The following RBM20 variants were observed in gnomAD, a reference collection of about 807,000 sequenced individuals.
RBM20 encodes the protein RNA-binding protein 20.
A neutral mutation model predicts 110.1 loss-of-function variants in RBM20; 51 were observed. The ratio of observed to expected loss-of-function variants is 0.46; its 90% confidence interval spans 0.37 to 0.59. The LOEUF (loss-of-function observed/expected upper bound fraction) is 0.59. RBM20 is among the 20% of genes least tolerant of loss of function. RBM20 has a pLI of 0.00. For synonymous variants in RBM20, 589 were observed against 618.2 expected, an observed-to-expected ratio of 0.95 and a Z score of 0.70; for missense variants, 1,512 against 1,574.9, an observed-to-expected ratio of 0.96 and a Z score of 0.68.
At chr10:110,665,536 G>T (rs901422403) in intron 1 of RBM20, among the ~76,000 whole-genome samples, 1 of 152,086 alleles carries the variant, frequency 6.6e-6, no homozygotes, top group Non-Finnish European at 1.5e-5. Context: ...AGCAGGAGGG[G>T]TTATCTGTAG....
chr10:110,699,993 G>C (rs914327097), intron 1 of RBM20, among the ~76,000 whole-genome samples: 1 of 152,210 alleles, frequency 6.6e-6, no homozygotes, highest in Non-Finnish European at 1.5e-5. Flanking sequence ...CGGGTGGACA[G>C]AGCAGGATGG....
chr10:110,777,100 A>G (rs1322538746), intron 1 of RBM20, among the ~76,000 whole-genome samples: 1 of 152,192 alleles, frequency 6.6e-6, no homozygotes, highest in Non-Finnish European at 1.5e-5. Context: ...CACGGCAATT[A>G]CTTTGTGCCC....
At chr10:110,736,111 C>T (rs1352919201) in intron 1 of RBM20, among the ~76,000 whole-genome samples, 1 of 152,228 alleles carries the variant, frequency 6.6e-6, no homozygotes, top group Non-Finnish European at 1.5e-5. Context: ...AATTTTTTGG[C>T]AGCAAATCTC....
At chr10:110,672,344 T>C (rs1011349630) in intron 1 of RBM20, among the ~76,000 whole-genome samples, 1 of 151,696 alleles carries the variant, frequency 6.6e-6, no homozygotes, top group Non-Finnish European at 1.5e-5. Context: ...CTCCGAATAA[T>C]TCAACCCTCG....
At chr10:110,670,311 C>T (rs1436948254) in intron 1 of RBM20, among the ~76,000 whole-genome samples, 1 of 152,198 alleles carries the variant, frequency 6.6e-6, no homozygotes, top group East Asian at 1.9e-4. Flanking sequence ...AATGATCTAG[C>T]TCACTCTTGT....
chr10:110,713,797 A>G (rs980630579), intron 1 of RBM20, among the ~76,000 whole-genome samples: 29 of 152,224 alleles, frequency 1.9e-4, no homozygotes, highest in Admixed American at 1.6e-3. Context: ...TATTTTTTTC[A>G]GGTTTCCCAG....
chr10:110,711,786 G>C (rs1775818480), intron 1 of RBM20, among the ~76,000 whole-genome samples: 1 of 152,192 alleles, frequency 6.6e-6, no homozygotes, highest in African/African-American at 2.4e-5. Context: ...TGCGTACAAT[G>C]CTAGGTACTA....
At position 110,781,747 on chromosome 10, in the gene RBM20, C is replaced by T. The variant is rs540962668; in HGVS notation, c.1138C>T (p.Arg380Trp). The change falls in exon 2 of 14, where the codon CGG (arginine) becomes TGG (tryptophan). Residue 380 changes from arginine to tryptophan, a missense_variant. Arg to Trp is a moderately radical substitution (Grantham distance 101). This residue lies in a region of RBM20 where 1,149 missense variants were observed against 1,169.4 expected (regional missense o/e 0.98). Coordinates refer to ENST00000369519, the MANE Select transcript of RBM20 (RefSeq NM_001134363.3). ...CAAACAGGGTTTTATCGGTGCTGGG[C>T]GGAGGGCCAAGGAGGACCAGGCGTT... ...NSKQGFIGAG[R>W]RAKEDQALLS... The T allele has an allele frequency of 2.4e-5, 38 of 1,551,836 alleles. No individual in the cohort carries two copies. Among genetic ancestry groups the T allele is most frequent in the East Asian group, 1.2e-4 (5 of 40,914 alleles).
chr10:110,767,316 A>C (rs1844111679), intron 1 of RBM20, among the ~76,000 whole-genome samples: 1 of 131,674 alleles, frequency 7.6e-6, no homozygotes, highest in African/African-American at 3.0e-5. Context: ...CACCTCCCGG[A>C]CGGGGCGGCT....
At chr10:110,696,986 C>T (rs752340038) in intron 1 of RBM20, among the ~76,000 whole-genome samples, 1 of 152,208 alleles carries the variant, frequency 6.6e-6, no homozygotes, top group Non-Finnish European at 1.5e-5. Context: ...AACCCCCATT[C>T]TTACCTCTGT....
intron 1 of RBM20, among the ~76,000 whole-genome samples, chr10:110,721,360 G>A (rs1843502707): frequency 6.6e-6 from 1 of 152,184 alleles, no homozygotes; most frequent in Admixed American, 6.5e-5. Context: ...TCTTTCTAAT[G>A]AGGGCCCAGC....
chr10:110,825,923 A>G (rs940431802), intron 12 of RBM20, among the ~76,000 whole-genome samples: 2 of 152,226 alleles, frequency 1.3e-5, no homozygotes, highest in Non-Finnish European at 2.9e-5. Context: ...AACCAGAGTC[A>G]GGTTCAAATC....
rs753677364 is a variant in RBM20 at position 110,784,337 on chromosome 10, C to G, written c.1338-4C>G. On this transcript the variant is annotated splice_polypyrimidine_tract_variant and splice_region_variant and intron_variant, in intron 3 of 13. Coordinates refer to ENST00000369519, the MANE Select transcript of RBM20 (RefSeq NM_001134363.3). Reference sequence around the variant, plus strand: ...AGCCGGTTTCCCTTTCTCGCCCTCTCCAGTGCTGGCATCCGGTGTATACTT... The same window carrying G: ...AGCCGGTTTCCCTTTCTCGCCCTCTGCAGTGCTGGCATCCGGTGTATACTT... The G allele has an allele frequency of 3.2e-6, 5 of 1,548,710 alleles. No homozygotes were observed. Among genetic ancestry groups the G allele is most frequent in the Admixed American group, 2.0e-5 (1 of 50,982 alleles).
upstream of RBM20, among the ~76,000 whole-genome samples, chr10:110,644,218 CG>C (rs1344764500): frequency 6.6e-6 from 1 of 152,146 alleles, no homozygotes; most frequent in East Asian, 1.9e-4. The surrounding 1 kb of genome is among the most constrained non-coding windows in gnomAD (Gnocchi z 4.3). Context: ...CAGCTCCCGC[CG>C]GTCGGGAGAC....
chr10:110,745,769 G>A (rs191336397), intron 1 of RBM20, among the ~76,000 whole-genome samples: 1 of 152,230 alleles, frequency 6.6e-6, no homozygotes, highest in Admixed American at 6.5e-5. Context: ...TGTGAGGAGG[G>A]CTGAAAATGC....
chr10:110,666,745 A>G (rs889876079), intron 1 of RBM20, among the ~76,000 whole-genome samples: 2 of 152,140 alleles, frequency 1.3e-5, no homozygotes, highest in Non-Finnish European at 2.9e-5. Flanking sequence ...TTTCCATCTT[A>G]CCTTACAGAA....
intron 1 of RBM20, among the ~76,000 whole-genome samples, chr10:110,733,903 C>T (rs1175074236): frequency 1.3e-5 from 2 of 152,238 alleles, no homozygotes; most frequent in Non-Finnish European, 2.9e-5. Flanking sequence ...TGACACGTGA[C>T]TTCAGCTAAC....
At chr10:110,762,590 G>A (rs756895007) in intron 1 of RBM20, among the ~76,000 whole-genome samples, 19 of 152,246 alleles carry the variant, frequency 1.2e-4, no homozygotes, top group Middle Eastern at 3.4e-3. Context: ...ATCATGTTAC[G>A]GAGCTCACAA....
At chr10:110,730,933 G>C (rs941663261) in intron 1 of RBM20, among the ~76,000 whole-genome samples, 1 of 152,194 alleles carries the variant, frequency 6.6e-6, no homozygotes, top group Non-Finnish European at 1.5e-5. Context: ...CCTGCTTAGA[G>C]CGTGCACACA....
Sources: gnomAD v4.1 joint callset for allele counts (sites outside exome capture counted in the v4.1 genomes callset) on GRCh38, gnomAD v4.1.1 for gene constraint, gnomAD v4.1.1 regional missense constraint, Gnocchi (gnomAD v3.1) non-coding constraint, MANE v1.5 for transcripts, NCBI Gene and HGNC (gene_info 2026-07-23, HGNC 2026-07-21) for gene names.